RSF1: variants seen among roughly 807,000 people sequenced by gnomAD.
The protein encoded by RSF1 is HBV pX-associated protein 8.
A neutral mutation model predicts 145.2 loss-of-function variants in RSF1; 13 were observed. The ratio of observed to expected loss-of-function variants is 0.09; its 90% CI spans 0.06 to 0.14. RSF1 has a LOEUF of 0.14. RSF1 is among the 10% of genes least tolerant of loss of function. The pLI, the probability that RSF1 is intolerant of heterozygous loss-of-function variation, is 1.00. For synonymous variants in RSF1, 577 were observed against 592.6 expected, an observed-to-expected ratio of 0.97 and a Z score of 0.38; for missense variants, 1,517 against 1,718.2, an observed-to-expected ratio of 0.88 and a Z score of 2.07.
intron 1 of RSF1, among the ~76,000 whole-genome samples, chr11:77,812,488 C>T (rs1025565263): frequency 1.3e-5 from 2 of 152,178 alleles, no homozygotes; most frequent in African/African-American, 2.4e-5. Context: ...GCCATATATA[C>T]ATTATATACT....
the RSF1 span, chr11:77,868,832 T>C: frequency 4.7e-4 from 96 of 203,552 alleles, no homozygotes; most frequent in African/African-American, 2.2e-3. Context: ...CGGGTACCTT[T>C]CTCTCTGGCT....
intron 1 of RSF1, among the ~76,000 whole-genome samples, chr11:77,799,194 A>C (rs922187674): frequency 3.9e-5 from 6 of 151,982 alleles, no homozygotes; most frequent in African/African-American, 1.4e-4. Flanking sequence ...AATAATAATA[A>C]AGACTAAAAA....
At chr11:77,694,889 T>C (rs542221857) in intron 7 of RSF1, among the ~76,000 whole-genome samples, 1 of 152,320 alleles carries the variant, frequency 6.6e-6, no homozygotes, top group African/African-American at 2.4e-5. Context: ...TAGACTGTCC[T>C]GAAATTTGAG....
intron 15 of RSF1, among the ~76,000 whole-genome samples, chr11:77,671,434 G>A (rs992480766): frequency 6.6e-6 from 1 of 151,340 alleles, no homozygotes; most frequent in African/African-American, 2.4e-5. Context: ...TTCAAAATGA[G>A]GGCCATGAAT....
At chr11:77,677,699 A>C (rs1245810899) in intron 12 of RSF1, among the ~76,000 whole-genome samples, 1 of 152,226 alleles carries the variant, frequency 6.6e-6, no homozygotes, top group Non-Finnish European at 1.5e-5. Context: ...ACCAATTTTT[A>C]ATAGGTTAAC....
intron 1 of RSF1, among the ~76,000 whole-genome samples, chr11:77,814,155 G>A (rs187137868): frequency 3.5e-4 from 53 of 149,734 alleles, no homozygotes; most frequent in African/African-American, 6.9e-4. Context: ...AACCAGGATC[G>A]CGCCACTGCA....
At chr11:77,826,397 T>C in the RSF1 span, among the ~76,000 whole-genome samples, 1 of 152,058 alleles carries the variant, frequency 6.6e-6, no homozygotes, top group Non-Finnish European at 1.5e-5. Flanking sequence ...TGTATTATTA[T>C]GTTTTATGTC....
At chr11:77,677,514 A>C (rs1959740116) in intron 12 of RSF1, among the ~76,000 whole-genome samples, 1 of 152,240 alleles carries the variant, frequency 6.6e-6, no homozygotes, top group African/African-American at 2.4e-5. Flanking sequence ...AATAAAACAT[A>C]CATCTCTGGA....
intron 9 of RSF1, among the ~76,000 whole-genome samples, chr11:77,690,633 T>C (rs1283449605): frequency 6.6e-6 from 1 of 152,028 alleles, no homozygotes; most frequent in African/African-American, 2.4e-5. Context: ...GGTTTCACCA[T>C]GTTGGCCAGG....
intron 5 of RSF1, among the ~76,000 whole-genome samples, chr11:77,706,313 C>T (rs923577022): frequency 7.2e-5 from 11 of 152,154 alleles, no homozygotes; most frequent in African/African-American, 2.6e-4. Flanking sequence ...TCACCTCCAC[C>T]TTGGCCAGCT....
intron 5 of RSF1, among the ~76,000 whole-genome samples, chr11:77,708,959 G>A (rs1358522994): frequency 1.3e-5 from 2 of 152,194 alleles, no homozygotes; most frequent in East Asian, 1.9e-4. Flanking sequence ...TGAAAAAGGA[G>A]TCATTGACAA....
intron 4 of RSF1, chr11:77,734,535 A>T (rs1200294874): frequency 6.3e-7 from 1 of 1,576,000 alleles, no homozygotes; most frequent in Admixed American, 1.7e-5. Context: ...CTGCCAAGCC[A>T]GATTCGAGTG....
intron 1 of RSF1, among the ~76,000 whole-genome samples, 181 bp downstream of exon 1, chr11:77,820,347 C>T (rs1030578715): frequency 2.0e-5 from 3 of 152,262 alleles, no homozygotes; most frequent in Non-Finnish European, 2.9e-5. Flanking sequence ...CTCCGCCCCG[C>T]CTCCCCACTG....
At chr11:77,791,008 T>C (rs1948511919) in intron 1 of RSF1, among the ~76,000 whole-genome samples, 1 of 152,188 alleles carries the variant, frequency 6.6e-6, no homozygotes, top group Non-Finnish European at 1.5e-5. Flanking sequence ...ACAGCTCCAC[T>C]AGGCAGTGCC....
intron 14 of RSF1, among the ~76,000 whole-genome samples, chr11:77,674,737 C>T (rs566694499): frequency 5.9e-5 from 9 of 152,336 alleles, no homozygotes; most frequent in South Asian, 4.1e-4. Context: ...TGCTGGCTCA[C>T]GCCTGTAATC....
At chr11:77,709,219 C>T (rs896592265) in intron 5 of RSF1, among the ~76,000 whole-genome samples, 2 of 152,204 alleles carry the variant, frequency 1.3e-5, no homozygotes, top group Admixed American at 6.5e-5. Flanking sequence ...TTTCTAGCAA[C>T]TCAATCTAAA....
chr11:77,819,454 C>CCAG (rs1177091915), intron 1 of RSF1, among the ~76,000 whole-genome samples: 3 of 152,296 alleles, frequency 2.0e-5, no homozygotes, highest in Admixed American at 6.5e-5. Context: ...AGCAAAAGAA[C>CCAG]CAGCAGCAGC....
Position 77,675,161 on chromosome 11 carries a change from C to T in RSF1, c.3437G>A (p.Arg1146His), listed in dbSNP as rs371428606. 37 of 1,614,096 alleles carry T rather than the reference C, an allele frequency of 2.3e-5. No individual in the cohort carries two copies. The Middle Eastern group carries it at 8.3e-4, about 36-fold the overall frequency. The change falls in exon 14 of 16, where the codon CGT (arginine) becomes CAT (histidine). Residue 1146 changes from arginine to histidine, a missense_variant. Physicochemically the swap from Arg to His is conservative, Grantham distance 29 (BLOSUM62 0). Transcript: ENST00000308488. ...NDDSDTDFCSRRLRRHPSRPM... is the reference protein window; with the variant it reads ...NDDSDTDFCSHRLRRHPSRPM... ...CCGAGAGGGGTGTCGCCTCAGTCTA[C>T]GGCTACAAAAGTCAGTGTCACTGTC...
rs375359087 is a variant in RSF1 at position 77,661,659 on chromosome 11, G to A, written c.*5258C>T. 3.8e-4 allele frequency: 58 copies of A among 151,298 alleles called. No individual in the cohort carries two copies. Among genetic ancestry groups the A allele is most frequent in the African/African-American group, 1.4e-3 (57 of 41,216 alleles). The allele number at this position is 151,298 out of a possible 1,614,324, so 9.4% of individuals were successfully genotyped here. A position where few individuals can be genotyped will look rare whatever the true frequency, so the allele number is the denominator to read the frequency against. On this transcript the variant is annotated 3_prime_UTR_variant, in exon 16 of 16. Transcript: ENST00000308488. Reference sequence around the variant, plus strand: ...TAGATGATCTAGCATAAACACAATTGTAAAAAATCTACATCCTATTTTAGG... The same window carrying A: ...TAGATGATCTAGCATAAACACAATTATAAAAAATCTACATCCTATTTTAGG...
Sources: allele counts gnomAD v4.1 joint callset (sites outside exome capture counted in the v4.1 genomes callset), GRCh38; gene constraint gnomAD v4.1.1; transcripts MANE v1.5; gene names NCBI Gene and HGNC (gene_info 2026-07-23, HGNC 2026-07-21).